CDH23: variants seen among roughly 807,000 people sequenced by gnomAD.
The protein encoded by CDH23 is cadherin-23.
Under a neutral mutation model 317.1 loss-of-function variants are expected in CDH23, and 189 were observed. The observed-to-expected ratio is 0.60, with a 90% CI of 0.53 to 0.67. CDH23 has a LOEUF of 0.67. Among genes scored for constraint, CDH23 ranks in the 30% least tolerant of loss-of-function variants. The probability of loss-of-function intolerance (pLI) is 0.00; values close to 1 mark genes in which losing one functional copy is unlikely to be tolerated. For synonymous variants in CDH23, 1,839 were observed against 1,876.8 expected (o/e 0.98, Z 0.52); for missense variants, 4,401 against 4,592.4 (o/e 0.96, Z 1.20).
At chr10:71,625,790 A>G (rs771632966) in intron 11 of CDH23, among the ~76,000 whole-genome samples, 11 of 152,236 alleles carry the variant, frequency 7.2e-5, no homozygotes, top group Non-Finnish European at 1.3e-4. Context: ...TTCTCAGCCC[A>G]TCTGGGGAAG....
At chr10:71,726,762 G>A (rs1045321798) in intron 30 of CDH23, among the ~76,000 whole-genome samples, 1 of 152,228 alleles carries the variant, frequency 6.6e-6, no homozygotes, top group Non-Finnish European at 1.5e-5. Context: ...TGATGTCAGC[G>A]AAGCTGGGGT....
At chr10:71,571,096 C>T (rs139287387) in intron 8 of CDH23, among the ~76,000 whole-genome samples, 178 bp downstream of exon 8, 69 of 152,342 alleles carry the variant, frequency 4.5e-4, no homozygotes, top group Admixed American at 1.5e-3. Flanking sequence ...CTTCACACCA[C>T]GCCCATCTCC....
intron 3 of CDH23, among the ~76,000 whole-genome samples, chr10:71,464,618 G>C (rs1202664556): frequency 6.6e-6 from 1 of 151,642 alleles, no homozygotes; most frequent in Admixed American, 6.6e-5. Context: ...TGGATGACTT[G>C]CTGTCAGTTC....
intron 3 of CDH23, among the ~76,000 whole-genome samples, chr10:71,475,573 C>T (rs917026365): frequency 1.3e-5 from 2 of 152,204 alleles, no homozygotes; most frequent in South Asian, 2.1e-4. Flanking sequence ...TATTAATGCC[C>T]GGTTCCCAAG....
At chr10:71,495,624 G>T (rs1852916830) in intron 3 of CDH23, among the ~76,000 whole-genome samples, 1 of 151,912 alleles carries the variant, frequency 6.6e-6, no homozygotes, top group Non-Finnish European at 1.5e-5. Context: ...CTTGAGCCCA[G>T]GAGTTTGAAC....
intron 9 of CDH23, among the ~76,000 whole-genome samples, chr10:71,582,275 T>G (rs1422080153): frequency 6.6e-6 from 1 of 152,198 alleles, no homozygotes; most frequent in Non-Finnish European, 1.5e-5. Flanking sequence ...ATGTAGCTAC[T>G]GGGCACTTGA....
intron 4 of CDH23, 62 bp from the exon 5 acceptor site, chr10:71,510,892 C>A: frequency 6.4e-7 from 1 of 1,558,744 alleles, no homozygotes; most frequent in Non-Finnish European, 8.9e-7. Flanking sequence ...CCATTTAGGG[C>A]CCAGGACCCA....
chr10:71,641,682 G>A (rs1862559057), intron 11 of CDH23, among the ~76,000 whole-genome samples: 1 of 152,174 alleles, frequency 6.6e-6, no homozygotes, highest in Non-Finnish European at 1.5e-5. Flanking sequence ...CAATCTGCAG[G>A]TGATTCTGAG....
chr10:71,510,271 AG>A, intron 4 of CDH23, 47 bp downstream of exon 4: 1 of 1,594,374 alleles, frequency 6.3e-7, no homozygotes. Context: ...TGGGGACAGG[AG>A]GAGACACTGG....
intron 1 of CDH23, among the ~76,000 whole-genome samples, chr10:71,430,158 G>A (rs1849301475): frequency 6.6e-6 from 1 of 152,138 alleles, no homozygotes; most frequent in South Asian, 2.1e-4. Flanking sequence ...GCCTGAGCTG[G>A]GGTCTGTGGG....
chr10:71,781,905 T>C (rs999831772), intron 41 of CDH23, among the ~76,000 whole-genome samples: 17 of 152,148 alleles, frequency 1.1e-4, no homozygotes, highest in African/African-American at 4.1e-4. Flanking sequence ...GGTCACGACA[T>C]CCATTTCCCA....
At chr10:71,737,860 T>A (rs1009186064) in intron 34 of CDH23, 5 of 455,614 alleles carry the variant, frequency 1.1e-5, no homozygotes, top group South Asian at 6.2e-5. Flanking sequence ...TGCGTGCCAT[T>A]TGTTGCATGC....
chr10:71,747,846 C>G (rs1431197273), intron 38 of CDH23: 1 of 152,260 alleles, frequency 6.6e-6, no homozygotes, highest in Non-Finnish European at 1.5e-5. Flanking sequence ...TTCAGAATCC[C>G]TCTCAACACA....
At chr10:71,765,933 C>T (rs1215124846) in intron 38 of CDH23, among the ~76,000 whole-genome samples, 2 of 152,084 alleles carry the variant, frequency 1.3e-5, no homozygotes, top group African/African-American at 4.8e-5. Context: ...GGAGGGAAGG[C>T]CAGAAAACAC....
intron 38 of CDH23, among the ~76,000 whole-genome samples, chr10:71,772,399 C>A (rs905040641): frequency 6.6e-6 from 1 of 152,224 alleles, no homozygotes; most frequent in Non-Finnish European, 1.5e-5. Flanking sequence ...TCCCTGGGCC[C>A]TCCCTATAAA....
At chr10:71,493,711 AT>A (rs1377108820) in intron 3 of CDH23, among the ~76,000 whole-genome samples, 1 of 151,994 alleles carries the variant, frequency 6.6e-6, no homozygotes, top group Non-Finnish European at 1.5e-5. Flanking sequence ...ACCTGTTCAG[AT>A]TTTTTTTCTA....
chr10:71,484,404 T>G (rs1051542150), intron 3 of CDH23, among the ~76,000 whole-genome samples: 3 of 152,056 alleles, frequency 2.0e-5, no homozygotes, highest in Non-Finnish European at 4.4e-5. Flanking sequence ...CAGGAGGTGT[T>G]CCTCCAACCC....
chr10:71,658,830 A>G (rs1863525605), intron 14 of CDH23, among the ~76,000 whole-genome samples: 1 of 151,992 alleles, frequency 6.6e-6, no homozygotes, highest in Non-Finnish European at 1.5e-5. Flanking sequence ...CTCAGGGCTC[A>G]CCTCCCAAGC....
At chr10:71,691,014 T>C (rs1353994021) in intron 20 of CDH23, among the ~76,000 whole-genome samples, 2 of 152,174 alleles carry the variant, frequency 1.3e-5, no homozygotes, top group Non-Finnish European at 2.9e-5. Context: ...TTAGGGCTGT[T>C]GTGTGGATTA....
Sources: gnomAD v4.1 joint callset for allele counts (sites outside exome capture counted in the v4.1 genomes callset) on GRCh38, gnomAD v4.1.1 for gene constraint, MANE v1.5 for transcripts, NCBI Gene and HGNC (gene_info 2026-07-23, HGNC 2026-07-21) for gene names.